The following LDLRAD4 variants were observed in gnomAD, a reference collection of about 807,000 sequenced individuals.
LDLRAD4 encodes low density lipoprotein receptor class A domain containing 4.
In LDLRAD4, 5 loss-of-function variants were observed where a neutral mutation model predicts 17.0. The ratio of observed to expected loss-of-function variants is 0.29; its 90% CI spans 0.15 to 0.62. The LOEUF (loss-of-function observed/expected upper bound fraction) is 0.62, where lower values mean the gene tolerates loss of function less well. LDLRAD4 is among the 20% of genes least tolerant of loss of function. LDLRAD4 has a pLI of 0.84. For synonymous variants in LDLRAD4, 168 were observed against 171.8 expected (o/e 0.98, Z 0.17); for missense variants, 340 against 424.7 (o/e 0.80, Z 1.75).
intron 1 of LDLRAD4, among the ~76,000 whole-genome samples, chr18:13,334,950 A>T (rs1208924591): frequency 6.6e-6 from 1 of 152,148 alleles, no homozygotes; most frequent in Non-Finnish European, 1.5e-5. Flanking sequence ...AACTTAGCTC[A>T]TTTACATTAT....
At chr18:13,328,364 C>T (rs1486665490) in intron 1 of LDLRAD4, among the ~76,000 whole-genome samples, 3 of 152,218 alleles carry the variant, frequency 2.0e-5, no homozygotes, top group Non-Finnish European at 4.4e-5. Flanking sequence ...ATATTCATGA[C>T]TCCTCCTAGA....
At chr18:13,511,370 G>A (rs186813375) in intron 3 of LDLRAD4, among the ~76,000 whole-genome samples, 12 of 152,096 alleles carry the variant, frequency 7.9e-5, no homozygotes, top group African/African-American at 2.9e-4. Context: ...AAATTAGCCG[G>A]GCATGGTCTC....
At chr18:13,497,130 G>A (rs555846242) in intron 3 of LDLRAD4, among the ~76,000 whole-genome samples, 2 of 152,322 alleles carry the variant, frequency 1.3e-5, no homozygotes, top group Admixed American at 1.3e-4. Context: ...AGTGGAGACT[G>A]CTTAGTTACA....
At chr18:13,404,357 C>G (rs572205380) in intron 2 of LDLRAD4, among the ~76,000 whole-genome samples, 2 of 152,102 alleles carry the variant, frequency 1.3e-5, no homozygotes, top group South Asian at 2.1e-4. Context: ...AGTGGAGTGC[C>G]GCGACGGTGT....
At chr18:13,331,304 C>T (rs574559748) in intron 1 of LDLRAD4, among the ~76,000 whole-genome samples, 1 of 152,288 alleles carries the variant, frequency 6.6e-6, no homozygotes, top group African/African-American at 2.4e-5. Context: ...TGCAGAACTA[C>T]TTGCTTGGTT....
chr18:13,234,258 C>T (rs1485829828), intron 1 of LDLRAD4, among the ~76,000 whole-genome samples: 2 of 152,200 alleles, frequency 1.3e-5, no homozygotes, highest in Non-Finnish European at 2.9e-5. Flanking sequence ...TCCTCACCCA[C>T]GTACCCCCTC....
At chr18:13,605,455 C>G (rs1352263683) in intron 3 of LDLRAD4, among the ~76,000 whole-genome samples, 1 of 152,214 alleles carries the variant, frequency 6.6e-6, no homozygotes, top group African/African-American at 2.4e-5. Context: ...TGGCCTCAAG[C>G]AGTCCTCCTA....
intron 1 of LDLRAD4, among the ~76,000 whole-genome samples, chr18:13,226,180 C>CTTTGTTTTTTTT (rs2041781922): frequency 1.9e-5 from 1 of 52,188 alleles, no homozygotes; most frequent in Non-Finnish European, 3.3e-5. Flanking sequence ...CCATGCCTTG[C>CTTTGTTTTTTTT]TTTTTTTTTT....
intron 1 of LDLRAD4, among the ~76,000 whole-genome samples, chr18:13,290,196 T>C (rs557478757): frequency 6.6e-6 from 1 of 152,340 alleles, no homozygotes; most frequent in South Asian, 2.1e-4. Context: ...TGTTTCCCCA[T>C]AATTCTCAGG....
chr18:13,266,805 G>C (rs1325126391), intron 1 of LDLRAD4, among the ~76,000 whole-genome samples: 1 of 152,260 alleles, frequency 6.6e-6, no homozygotes, highest in Non-Finnish European at 1.5e-5. Flanking sequence ...GTAAGTTACA[G>C]TTTCAGTCAC....
At chr18:13,578,938 C>A (rs1188202085) in intron 3 of LDLRAD4, among the ~76,000 whole-genome samples, 1 of 143,556 alleles carries the variant, frequency 7.0e-6, no homozygotes, top group African/African-American at 2.6e-5. Context: ...CGCCTATAAT[C>A]CCAGCACTTT....
intron 1 of LDLRAD4, among the ~76,000 whole-genome samples, chr18:13,357,438 G>A (rs10083911): frequency 0.014 from 2,084 of 151,344 alleles, 33 homozygotes; most frequent in Middle Eastern, 0.035. Context: ...AAGTTTATTT[G>A]TTAAAGACAC....
intron 1 of LDLRAD4, among the ~76,000 whole-genome samples, chr18:13,333,219 A>G (rs2081954680): frequency 1.3e-5 from 2 of 152,156 alleles, no homozygotes; most frequent in Admixed American, 1.3e-4. Context: ...TATCTTTGAG[A>G]GACTATCTGT....
At chr18:13,218,235 G>C (rs1184396414), upstream of LDLRAD4, 1 of 152,392 alleles carries the variant, frequency 6.6e-6, no homozygotes, top group African/African-American at 2.4e-5. Context: ...GCCGTCGGCT[G>C]GGGCCGGAGG....
At chr18:13,344,757 T>G (rs571803435) in intron 1 of LDLRAD4, among the ~76,000 whole-genome samples, 1 of 152,214 alleles carries the variant, frequency 6.6e-6, no homozygotes, top group African/African-American at 2.4e-5. Context: ...TTTTATTTCA[T>G]TGAGCAGTGT....
intron 1 of LDLRAD4, among the ~76,000 whole-genome samples, chr18:13,327,174 G>T (rs2081581238): frequency 6.6e-6 from 1 of 152,026 alleles, no homozygotes; most frequent in African/African-American, 2.4e-5. Context: ...CTTCTGCATG[G>T]TTATCCATTG....
intron 3 of LDLRAD4, among the ~76,000 whole-genome samples, chr18:13,609,068 G>A (rs1457034916): frequency 1.3e-5 from 2 of 152,186 alleles, no homozygotes; most frequent in Admixed American, 6.5e-5. Context: ...GAGTACTTAC[G>A]TGAAAGATGC....
chr18:13,546,703 G>A (rs945850137), intron 3 of LDLRAD4, among the ~76,000 whole-genome samples: 4 of 152,168 alleles, frequency 2.6e-5, no homozygotes, highest in Non-Finnish European at 4.4e-5. Context: ...CTTCATGCAA[G>A]CTCATTAGGC....
At chr18:13,456,906 T>G (rs1295321790) in intron 3 of LDLRAD4, among the ~76,000 whole-genome samples, 1 of 152,218 alleles carries the variant, frequency 6.6e-6, no homozygotes, top group East Asian at 1.9e-4. Context: ...CAAAATTCCT[T>G]CCACTCCTCC....
Sources: gnomAD v4.1 joint callset for allele counts (sites outside exome capture counted in the v4.1 genomes callset) on GRCh38, gnomAD v4.1.1 for gene constraint, MANE v1.5 for transcripts, NCBI Gene and HGNC (gene_info 2026-07-23, HGNC 2026-07-21) for gene names.